The following INVS variants were observed in gnomAD, a reference collection of about 807,000 sequenced individuals.
INVS encodes inversin.
In INVS, 86 loss-of-function variants were observed where a neutral mutation model predicts 108.8. The ratio of observed to expected loss-of-function variants is 0.79; its 90% CI spans 0.66 to 0.95. INVS has a LOEUF of 0.95. INVS is among the 40% of genes least tolerant of loss of function. The pLI, the probability that INVS is intolerant of heterozygous loss-of-function variation, is 0.00. For missense variants in INVS, 1,169 were observed against 1,297.4 expected, an observed-to-expected ratio of 0.90 and a Z score of 1.52; for synonymous variants, 455 against 473.5, an observed-to-expected ratio of 0.96 and a Z score of 0.51.
chr9:100,201,966 C>A (rs1165248301), intron 3 of INVS, among the ~76,000 whole-genome samples: 1 of 152,184 alleles, frequency 6.6e-6, no homozygotes, highest in Non-Finnish European at 1.5e-5. Flanking sequence ...GTGTCCCATA[C>A]AAGCAAGTCT....
chr9:100,105,138 A>G (rs1051348824), intron 2 of INVS, among the ~76,000 whole-genome samples: 6 of 152,240 alleles, frequency 3.9e-5, no homozygotes, highest in Non-Finnish European at 7.3e-5. Flanking sequence ...TTCCTGCTAA[A>G]GCAGAGCAAA....
chr9:100,279,759 A>G (rs1170560334), intron 12 of INVS, among the ~76,000 whole-genome samples: 1 of 152,188 alleles, frequency 6.6e-6, no homozygotes, highest in Non-Finnish European at 1.5e-5. Context: ...TAGGTGTTGT[A>G]TTCATGGCAA....
At chr9:100,283,674 C>A (rs1423518232) in intron 12 of INVS, among the ~76,000 whole-genome samples, 1 of 152,174 alleles carries the variant, frequency 6.6e-6, no homozygotes, top group Non-Finnish European at 1.5e-5. Context: ...TCTCCTGCTA[C>A]CCAAGGGTTC....
chr9:100,301,231 G>T lies in INVS; in HGVS notation c.*557G>T, dbSNP rs1467505406. ...TTAATCAGGTTTAAATTTTAGATCA[G>T]AATCATTGCCCACTGTTTTCATTTA... On this transcript the variant is annotated 3_prime_UTR_variant, in exon 17 of 17. Transcript: ENST00000262457. Among the ~76,000 whole-genome samples, 1 of 151,506 alleles carries T rather than the reference G, an allele frequency of 6.6e-6. No individual in the cohort carries two copies. Among genetic ancestry groups the T allele is most frequent in the Non-Finnish European group, 1.5e-5 (1 of 67,950 alleles).
Position 100,107,591 on chromosome 9 carries a change from A to G in INVS, c.106+2964A>G, listed in dbSNP as rs948208588. On this transcript the variant is annotated intron_variant, in intron 2 of 16. Coordinates refer to ENST00000262457, the MANE Select transcript of INVS (RefSeq NM_014425.5). ...TTTTGCCTGAAACGCTGTTCTCCCTATTCTCTGTCTGAATAACTCTTAGTC... is the reference window on the plus strand; with the variant it reads ...TTTTGCCTGAAACGCTGTTCTCCCTGTTCTCTGTCTGAATAACTCTTAGTC... 5.3e-5 allele frequency among the ~76,000 whole-genome samples: 8 copies of G among 152,180 alleles called. No homozygotes were observed. The East Asian group carries it at 1.2e-3, about 22-fold the overall frequency.
intron 10 of INVS, among the ~76,000 whole-genome samples, chr9:100,254,370 T>C (rs896875566): frequency 2.6e-5 from 4 of 152,350 alleles, no homozygotes; most frequent in African/African-American, 9.6e-5. Context: ...GAAGGTTGCC[T>C]GTTCACTCTG....
Position 100,253,249 on chromosome 9 carries a change from T to C in INVS, c.1464+113T>C. 3 of 775,196 alleles carry C rather than the reference T, an allele frequency of 3.9e-6. No individual in the cohort carries two copies. The South Asian group carries it at 4.5e-5, about 12-fold the overall frequency. The allele number at this position is 775,196 out of a possible 1,614,324, so 48.0% of individuals were successfully genotyped here. A position where few individuals can be genotyped will look rare whatever the true frequency, so the allele number is the denominator to read the frequency against. Reference sequence around the variant, plus strand: ...ACAAGATGAAGAGATCACCCACAAATCCATCTGTTAATCATGACTATTATT... The same window carrying C: ...ACAAGATGAAGAGATCACCCACAAACCCATCTGTTAATCATGACTATTATT... On this transcript the variant is annotated intron_variant, in intron 10 of 16. Transcript: ENST00000262457.
intron 3 of INVS, among the ~76,000 whole-genome samples, chr9:100,224,789 T>C (rs1831258885): frequency 6.6e-6 from 1 of 151,020 alleles, no homozygotes; most frequent in Non-Finnish European, 1.5e-5. Context: ...CTAATTTTTG[T>C]ATTTTTAGTA....
intron 3 of INVS, chr9:100,130,118 T>C (rs1828011955): frequency 6.4e-6 from 1 of 156,790 alleles, no homozygotes. Context: ...AACACATTGA[T>C]TTTTGTATGG....
chr9:100,127,012 A>G (rs1239321900), intron 3 of INVS, among the ~76,000 whole-genome samples: 1 of 152,130 alleles, frequency 6.6e-6, no homozygotes, highest in African/African-American at 2.4e-5. Flanking sequence ...CCTGGGCAAC[A>G]TAGTGAGACC....
chr9:100,120,844 T>C (rs1208903685), intron 2 of INVS: 2 of 152,182 alleles, frequency 1.3e-5, no homozygotes, highest in African/African-American at 4.8e-5. Flanking sequence ...AATCTTTCTT[T>C]GGTGAGCATT....
At chr9:100,219,787 G>C (rs1263802192) in intron 3 of INVS, among the ~76,000 whole-genome samples, 2 of 151,962 alleles carry the variant, frequency 1.3e-5, no homozygotes, top group African/African-American at 2.4e-5. Context: ...GAATAAATCT[G>C]AAAAATACTG....
chr9:100,146,413 AT>A (rs1828615984), intron 3 of INVS, among the ~76,000 whole-genome samples: 1 of 152,152 alleles, frequency 6.6e-6, no homozygotes, highest in African/African-American at 2.4e-5. Context: ...GGCCATTTTC[AT>A]TTCTTTTGTG....
Position 100,284,607 on chromosome 9 carries a change from G to C in INVS, c.2068+4G>C, listed in dbSNP as rs1177239086. 6.2e-7 allele frequency: 1 copy of C among 1,612,524 alleles called. No homozygotes were observed. Among genetic ancestry groups the C allele is most frequent in the Non-Finnish European group, 8.5e-7 (1 of 1,179,330 alleles). ...ACAAACTCCAGAAGGCCAAATGGTA[G>C]GTGTATTGCCTTTGTCATCTTCTGC... On this transcript the variant is annotated splice_donor_region_variant and intron_variant, in intron 13 of 16. Transcript: ENST00000262457.
chr9:100,199,638 T>C (rs1388884376), intron 3 of INVS, among the ~76,000 whole-genome samples: 1 of 152,180 alleles, frequency 6.6e-6, no homozygotes, highest in Admixed American at 6.5e-5. Context: ...TATCATTTTA[T>C]TGTTTTCTGG....
At chr9:100,215,773 G>A (rs993522221) in intron 3 of INVS, among the ~76,000 whole-genome samples, 2 of 152,190 alleles carry the variant, frequency 1.3e-5, no homozygotes, top group African/African-American at 2.4e-5. Flanking sequence ...ATGGTGGAAA[G>A]GCACGAGGTG....
intron 6 of INVS, among the ~76,000 whole-genome samples, chr9:100,241,389 C>G (rs1182235548): frequency 6.6e-6 from 1 of 151,866 alleles, no homozygotes; most frequent in Non-Finnish European, 1.5e-5. Flanking sequence ...TTCTTTTTAT[C>G]TCATTTCATT....
rs545554389 is a variant in INVS at position 100,178,768 on chromosome 9, A to G, written c.274-47294A>G. Among the ~76,000 whole-genome samples the G allele has an allele frequency of 4.6e-5, 7 of 152,308 alleles. No individual in the cohort carries two copies. The East Asian group carries it at 1.4e-3, about 29-fold the overall frequency. ...CCCACCTAGCAAGAGACCAACATTC[A>G]AATTCAGGAAATACTGAGAACACCA... On this transcript the variant is annotated intron_variant, in intron 3 of 16. Coordinates refer to ENST00000262457, the MANE Select transcript of INVS (RefSeq NM_014425.5).
chr9:100,101,075 C>T (rs1587996624), intron 1 of INVS, among the ~76,000 whole-genome samples: 3 of 111,748 alleles, frequency 2.7e-5, no homozygotes, highest in Admixed American at 1.2e-4. Flanking sequence ...ATAATATATA[C>T]ACACACACAC....
Sources: allele counts gnomAD v4.1 joint callset (sites outside exome capture counted in the v4.1 genomes callset), GRCh38; gene constraint gnomAD v4.1.1; transcripts MANE v1.5; gene names NCBI Gene and HGNC (gene_info 2026-07-23, HGNC 2026-07-21).